Variants in CENPA observed in about 807,000 individuals in gnomAD.
CENPA encodes the protein centromere protein A, also known as histone H3-like centromeric protein A.
A neutral mutation model predicts 17.2 loss-of-function variants in CENPA; 7 were observed. The ratio of observed to expected loss-of-function variants is 0.41; its 90% CI spans 0.23 to 0.76. The LOEUF (loss-of-function observed/expected upper bound fraction) is 0.76. Ranked by LOEUF, CENPA falls within the 30% of genes least tolerant of loss-of-function variation. CENPA has a pLI of 0.34. For missense variants in CENPA, 149 were observed against 193.1 expected (o/e 0.77, Z 1.35); for synonymous variants, 82 against 77.4 (o/e 1.06, Z -0.31).
chr2:26,793,144 G>A lies in CENPA; in HGVS notation c.289-1G>A. On this transcript the variant is annotated splice_acceptor_variant, in intron 3 of 4. Transcript: ENST00000335756. LOFTEE classifies it high-confidence loss of function. ...CCGTCTTTTTCTCTTTCTGTCTCCA[G>A]GCAGCAGAAGCATTTCTAGTTCATC... is the stretch of plus-strand genomic sequence containing the variant. The A allele has an allele frequency of 6.2e-7, 1 of 1,613,964 alleles. No homozygotes were observed. The highest frequency in any genetic ancestry group is 8.5e-7 in the Non-Finnish European group (1 of 1,180,026).
At chr2:26,787,467 G>A (rs937496730) in intron 1 of CENPA, among the ~76,000 whole-genome samples, 8 of 151,868 alleles carry the variant, frequency 5.3e-5, no homozygotes, top group Non-Finnish European at 1.2e-4. Context: ...CGCCCACCTC[G>A]GTCTCCCAAA....
At chr2:26,792,585 C>G (rs748531263) in intron 2 of CENPA, 171 bp from the exon 3 acceptor site, 1 of 728,994 alleles carries the variant, frequency 1.4e-6, no homozygotes, top group South Asian at 1.5e-5. Context: ...TCCGCCAGTT[C>G]CTAAGCTCCC....
chr2:26,789,801 A>C (rs990868063), intron 1 of CENPA, among the ~76,000 whole-genome samples: 7 of 150,122 alleles, frequency 4.7e-5, no homozygotes, highest in African/African-American at 1.7e-4. Context: ...TGCTCCCACT[A>C]GCCTAGTCCA....
chr2:26,793,384 T>C (rs1664655735), intron 4 of CENPA, 58 bp downstream of exon 4: 2 of 1,471,316 alleles, frequency 1.4e-6, no homozygotes, highest in African/African-American at 2.8e-5. Flanking sequence ...ATTTCCTTTC[T>C]CCATCCATAG....
Position 26,793,344 on chromosome 2 carries a change from C to T in CENPA, c.*47+18C>T. 3 of 1,589,650 alleles carry T rather than the reference C, an allele frequency of 1.9e-6. No individual in the cohort carries two copies. Among genetic ancestry groups the T allele is most frequent in the Non-Finnish European group, 2.6e-6 (3 of 1,167,172 alleles). Reference sequence around the variant, plus strand: ...GCCAGGGGGTAAGCTCATCCTCTTTCACAGGACTGGGGCTGGAATTTCTCA... The same window carrying T: ...GCCAGGGGGTAAGCTCATCCTCTTTTACAGGACTGGGGCTGGAATTTCTCA... On this transcript the variant is annotated intron_variant, in intron 4 of 4. Transcript: ENST00000335756.
Position 26,792,845 on chromosome 2 carries a change from C to T in CENPA, c.288+12C>T. On this transcript the variant is annotated intron_variant, in intron 3 of 4. Coordinates refer to ENST00000335756, the MANE Select transcript of CENPA (RefSeq NM_001809.4). ...TGGCCCTACAAGAGGTAAGAAGGCACCAAGGCACAATTGGGTGAGGGCTGA... is the reference window on the plus strand; with the variant it reads ...TGGCCCTACAAGAGGTAAGAAGGCATCAAGGCACAATTGGGTGAGGGCTGA... 6.2e-7 allele frequency: 1 copy of T among 1,613,190 alleles called. No individual in the cohort carries two copies. Among genetic ancestry groups the T allele is most frequent in the Non-Finnish European group, 8.5e-7 (1 of 1,179,176 alleles).
At position 26,788,721 on chromosome 2, in the gene CENPA, G is replaced by T. The variant is rs529565537; in HGVS notation, c.100+2425G>T. Among the ~76,000 whole-genome samples the T allele has an allele frequency of 2.6e-5, 4 of 152,312 alleles. No homozygotes were observed. In the East Asian group the frequency reaches 7.7e-4, roughly 29 times the overall value. On this transcript the variant is annotated intron_variant, in intron 1 of 4. Coordinates refer to ENST00000335756, the MANE Select transcript of CENPA (RefSeq NM_001809.4). ...ACGGAGTTTCCCTCTTGTTGCCCAG[G>T]CTGGAGAGCAACGGCGTGATCTCGG... is the stretch of plus-strand genomic sequence containing the variant.
At chr2:26,786,442 T>C in intron 1 of CENPA, 146 bp downstream of exon 1, 2 of 1,135,792 alleles carry the variant, frequency 1.8e-6, no homozygotes, top group Non-Finnish European at 2.2e-6. Flanking sequence ...GCACGGGCGG[T>C]GCCAGCCCTG....
At chr2:26,788,744 C>T (rs1312414624) in intron 1 of CENPA, among the ~76,000 whole-genome samples, 1 of 152,212 alleles carries the variant, frequency 6.6e-6, no homozygotes, top group Non-Finnish European at 1.5e-5. Context: ...GGCGTGATCT[C>T]GGCTTACCGC....
intron 1 of CENPA, 69 bp downstream of exon 1, chr2:26,786,365 AG>A: frequency 3.9e-6 from 5 of 1,279,952 alleles, no homozygotes; most frequent in Non-Finnish European, 3.9e-6. Flanking sequence ...GGATCTCCCG[AG>A]TCCCGATCCC....
intron 1 of CENPA, among the ~76,000 whole-genome samples, chr2:26,790,381 C>T (rs1664593599): frequency 6.6e-6 from 1 of 152,068 alleles, no homozygotes. Context: ...GGCTAGAGTA[C>T]AGTGGTGCGA....
chr2:26,793,207 C>T lies in CENPA; in HGVS notation c.351C>T (p.Gly117=). Residue 117 remains glycine, a synonymous_variant, in exon 4 of 5, where the codon GGC becomes GGT. Coordinates refer to ENST00000335756, the MANE Select transcript of CENPA (RefSeq NM_001809.4). ...CCTATCTCCTCACCTTACATGCAGG[C>T]CGAGTTACTCTCTTCCCAAAGGATG... The part of the protein sequence containing the change: ...EDAYLLTLHA[G]RVTLFPKDVQ... The T allele has an allele frequency of 6.2e-7, 1 of 1,614,190 alleles. No homozygotes were observed. Among genetic ancestry groups the T allele is most frequent in the Non-Finnish European group, 8.5e-7 (1 of 1,180,032 alleles).
At chr2:26,790,045 ATCTC>A (rs1454197971) in intron 1 of CENPA, among the ~76,000 whole-genome samples, 8 of 152,228 alleles carry the variant, frequency 5.3e-5, no homozygotes, top group African/African-American at 1.9e-4. Context: ...CTTTTCCATG[ATCTC>A]TCTAATTGGT....
chr2:26,791,655 C>T (rs1664616485), intron 1 of CENPA, among the ~76,000 whole-genome samples: 1 of 152,116 alleles, frequency 6.6e-6, no homozygotes, highest in South Asian at 2.1e-4. Flanking sequence ...AGATTCTTTC[C>T]AGCTGTAAAA....
At chr2:26,792,563 A>T (rs929422676) in intron 2 of CENPA, 193 bp from the exon 3 acceptor site, 1 of 717,946 alleles carries the variant, frequency 1.4e-6, no homozygotes, top group Non-Finnish European at 2.6e-6. Flanking sequence ...TTTCCCCATC[A>T]CCAGTAAGAG....
intron 1 of CENPA, among the ~76,000 whole-genome samples, chr2:26,791,812 T>C (rs1572641905): frequency 6.6e-6 from 1 of 152,254 alleles, no homozygotes; most frequent in East Asian, 1.9e-4. Flanking sequence ...AAAGACTTCA[T>C]GGAAGAGTTA....
intron 1 of CENPA, among the ~76,000 whole-genome samples, chr2:26,788,051 C>T (rs1173384746): frequency 1.3e-5 from 2 of 152,192 alleles, no homozygotes; most frequent in Admixed American, 6.5e-5. Context: ...TTTGCTGTTG[C>T]TTTCCAAGGT....
rs1178294116 is a variant in CENPA, at chr2:26,786,447, G to A, written c.100+151G>A. 9 of 1,100,770 alleles carry A rather than the reference G, an allele frequency of 8.2e-6. No individual in the cohort carries two copies. In the Admixed American group the frequency reaches 3.4e-4, roughly 42 times the overall value. The allele number at this position is 1,100,770 out of a possible 1,614,324, so 68.2% of individuals were successfully genotyped here. A position where few individuals can be genotyped will look rare whatever the true frequency, so the allele number is the denominator to read the frequency against. On this transcript the variant is annotated intron_variant, in intron 1 of 4. Transcript: ENST00000335756. ...TCCGCTCCGGGCACGGGCGGTGCCAGCCCTGCGAGGGGCTGGAGCAGGCGG... is the reference window on the plus strand; with the variant it reads ...TCCGCTCCGGGCACGGGCGGTGCCAACCCTGCGAGGGGCTGGAGCAGGCGG...
At position 26,786,092 on chromosome 2, in the gene CENPA, G is replaced by A. The variant is rs376215364; in HGVS notation, c.-105G>A. 132 of 1,286,270 alleles carry A rather than the reference G, an allele frequency of 1.0e-4. No homozygotes were observed. The African/African-American group carries it at 1.6e-3, about 16-fold the overall frequency. 79.7% of individuals were successfully genotyped at this position (1,286,270 alleles called of 1,614,324 possible). On this transcript the variant is annotated 5_prime_UTR_variant, in exon 1 of 5. Coordinates refer to ENST00000335756, the MANE Select transcript of CENPA (RefSeq NM_001809.4). ...AAGCACCGGCTCATGTGAGGCTCGC[G>A]GCACAGCGTTCTCTGGGCTCCCCAG... is the stretch of plus-strand genomic sequence containing the variant.
Sources: gnomAD v4.1 joint callset for allele counts (sites outside exome capture counted in the v4.1 genomes callset) on GRCh38, gnomAD v4.1.1 for gene constraint, MANE v1.5 for transcripts, NCBI Gene and HGNC (gene_info 2026-07-23, HGNC 2026-07-21) for gene names.